Variants in FRMD4A observed in about 807,000 individuals in gnomAD.
The protein encoded by FRMD4A is FERM domain-containing protein 4A.
FRMD4A carries 29 observed loss-of-function variants against 129.1 expected under a neutral mutation model. The ratio of observed to expected loss-of-function variants is 0.22; its 90% CI spans 0.17 to 0.31. The LOEUF (loss-of-function observed/expected upper bound fraction) is 0.31, where lower values mean the gene tolerates loss of function less well. Among genes scored for constraint, FRMD4A ranks in the 10% least tolerant of loss-of-function variants. The pLI is 1.00. For missense variants in FRMD4A, 1,272 were observed against 1,375.8 expected, an observed-to-expected ratio of 0.92 and a Z score of 1.19; for synonymous variants, 634 against 571.6, an observed-to-expected ratio of 1.11 and a Z score of -1.56.
At chr10:14,156,387 G>A (rs758248747) in intron 2 of FRMD4A, among the ~76,000 whole-genome samples, 115 of 152,144 alleles carry the variant, frequency 7.6e-4, no homozygotes, top group Non-Finnish European at 6.8e-4. Flanking sequence ...AAACTATTGA[G>A]TGAAATAAAC....
At chr10:13,888,443 G>C (rs1033840145) in intron 2 of FRMD4A, among the ~76,000 whole-genome samples, 1 of 152,150 alleles carries the variant, frequency 6.6e-6, no homozygotes, top group Non-Finnish European at 1.5e-5. Context: ...ATCAGAAATG[G>C]GTAAGGTGGG....
intron 2 of FRMD4A, among the ~76,000 whole-genome samples, chr10:14,152,431 T>A (rs2131856638): frequency 6.6e-6 from 1 of 152,180 alleles, no homozygotes; most frequent in East Asian, 1.9e-4. Flanking sequence ...CTGGCCATGT[T>A]TGTGTAGTTC....
intron 2 of FRMD4A, among the ~76,000 whole-genome samples, chr10:14,179,218 C>T (rs578028867): frequency 1.3e-5 from 2 of 152,198 alleles, no homozygotes; most frequent in South Asian, 2.1e-4. Context: ...GCTAGCCAAA[C>T]AATTAGGTTT....
At chr10:13,997,619 C>CTT (rs1555008439) in intron 2 of FRMD4A, among the ~76,000 whole-genome samples, 9 of 127,598 alleles carry the variant, frequency 7.1e-5, no homozygotes, top group East Asian at 6.4e-4. Flanking sequence ...CTTTTCTTTT[C>CTT]TTTTCTTTTT....
chr10:14,305,288 G>A (rs1846312372), intron 2 of FRMD4A, among the ~76,000 whole-genome samples: 1 of 152,182 alleles, frequency 6.6e-6, no homozygotes, highest in Non-Finnish European at 1.5e-5. Context: ...GCCTAAGGGA[G>A]ATTGCTGTGT....
rs865871962 is a variant in FRMD4A, at chr10:14,128,070, T to C, written c.45+201988A>G. 3.8e-3 allele frequency among the ~76,000 whole-genome samples: 368 copies of C among 97,860 alleles called. 14 individuals carry two copies. The highest frequency in any genetic ancestry group is 0.018 in the Admixed American group (154 of 8,410). 64.2% of individuals were successfully genotyped at this position (97,860 alleles called of 152,430 possible). A position where few individuals can be genotyped will look rare whatever the true frequency, so the allele number is the denominator to read the frequency against. On this transcript the variant is annotated intron_variant, in intron 2 of 24. Coordinates refer to ENST00000357447, the MANE Select transcript of FRMD4A (RefSeq NM_018027.5). ...CCTCTTTCTTTCTTTCTTTCTTTCT[T>C]TCTTTCTTTCTTTCTTTCTTTCTTT...
chr10:13,946,697 A>C (rs943530419), intron 2 of FRMD4A, among the ~76,000 whole-genome samples: 2 of 152,288 alleles, frequency 1.3e-5, no homozygotes, highest in Non-Finnish European at 2.9e-5. Context: ...TGATTGGTCC[A>C]CTGAAGACCA....
intron 2 of FRMD4A, among the ~76,000 whole-genome samples, chr10:13,876,334 A>T (rs1411526343): frequency 6.6e-6 from 1 of 152,252 alleles, no homozygotes; most frequent in East Asian, 1.9e-4. Context: ...AAATTTTTAC[A>T]ACGTTCACTC....
At chr10:14,043,001 G>C (rs1024393966) in intron 2 of FRMD4A, among the ~76,000 whole-genome samples, 1 of 145,800 alleles carries the variant, frequency 6.9e-6, no homozygotes, top group South Asian at 2.2e-4. Flanking sequence ...GGTGCAGAAA[G>C]AGAAAATCAA....
At chr10:14,034,034 A>C (rs1030845398) in intron 2 of FRMD4A, among the ~76,000 whole-genome samples, 2 of 152,202 alleles carry the variant, frequency 1.3e-5, no homozygotes, top group African/African-American at 4.8e-5. Flanking sequence ...CTCACTTATA[A>C]GTGGGAGCTA....
intron 2 of FRMD4A, among the ~76,000 whole-genome samples, chr10:13,930,628 G>A (rs1366815560): frequency 6.6e-6 from 1 of 152,206 alleles, no homozygotes; most frequent in East Asian, 1.9e-4. Context: ...CGTTCCCGAA[G>A]GGTCTGGGGG....
chr10:13,942,245 G>A (rs571002623), intron 2 of FRMD4A, among the ~76,000 whole-genome samples: 9 of 152,282 alleles, frequency 5.9e-5, no homozygotes, highest in African/African-American at 1.4e-4. Context: ...ACTAATGAGC[G>A]CTCCCTTTCA....
chr10:13,728,541 T>C (rs2135009288), intron 12 of FRMD4A, among the ~76,000 whole-genome samples: 1 of 150,222 alleles, frequency 6.7e-6, no homozygotes, highest in East Asian at 2.0e-4. Context: ...GAATTCTAAG[T>C]GCTAGCTCAG....
chr10:13,914,651 A>T (rs1452949648), intron 2 of FRMD4A, among the ~76,000 whole-genome samples: 1 of 152,212 alleles, frequency 6.6e-6, no homozygotes, highest in Non-Finnish European at 1.5e-5. Flanking sequence ...ACAATGTGGA[A>T]TGAAGATTTA....
chr10:13,917,583 C>T (rs1396877862), intron 2 of FRMD4A, among the ~76,000 whole-genome samples: 1 of 152,168 alleles, frequency 6.6e-6, no homozygotes, highest in East Asian at 1.9e-4. Context: ...AGTCACCATG[C>T]CCGGCCCACA....
At chr10:14,217,708 G>C (rs1037528372) in intron 2 of FRMD4A, among the ~76,000 whole-genome samples, 19 of 152,164 alleles carry the variant, frequency 1.2e-4, no homozygotes, top group African/African-American at 4.6e-4. Flanking sequence ...CCTAGGCGCT[G>C]GCTCCCAGAC....
At chr10:14,314,901 T>C (rs1228405324) in intron 2 of FRMD4A, among the ~76,000 whole-genome samples, 4 of 152,098 alleles carry the variant, frequency 2.6e-5, no homozygotes, top group African/African-American at 7.2e-5. Context: ...TCAAGAAGCA[T>C]CTCACTATAA....
At chr10:13,955,532 C>A (rs1477343750) in intron 2 of FRMD4A, among the ~76,000 whole-genome samples, 3 of 152,184 alleles carry the variant, frequency 2.0e-5, no homozygotes, top group Non-Finnish European at 4.4e-5. Context: ...CCCTCTGGCC[C>A]TGGGCATTTC....
At chr10:14,111,770 G>A (rs1358338413) in intron 2 of FRMD4A, among the ~76,000 whole-genome samples, 2 of 151,762 alleles carry the variant, frequency 1.3e-5, no homozygotes, top group Admixed American at 1.3e-4. Context: ...TAGCATAAGA[G>A]GTGGTTACAG....
Sources: allele counts gnomAD v4.1 joint callset (sites outside exome capture counted in the v4.1 genomes callset), GRCh38; gene constraint gnomAD v4.1.1; transcripts MANE v1.5; gene names NCBI Gene and HGNC (gene_info 2026-07-23, HGNC 2026-07-21).